The following NLGN4X variants were observed in gnomAD, a reference collection of about 807,000 sequenced individuals.
NLGN4X encodes the protein neuroligin-4, X-linked.
A neutral mutation model predicts 40.3 loss-of-function variants in NLGN4X; 3 were observed. That is an observed-to-expected ratio of 0.07 (90% CI 0.03 to 0.19). NLGN4X has a LOEUF of 0.19. Among genes scored for constraint, NLGN4X ranks in the 10% least tolerant of loss-of-function variants. The pLI is 1.00. For synonymous variants in NLGN4X, 270 were observed against 306.8 expected (o/e 0.88, Z 1.25); for missense variants, 382 against 708.3 (o/e 0.54, Z 5.23).
chrX:5,979,276 T>G (rs2035302522), intron 3 of NLGN4X, among the ~76,000 whole-genome samples: 1 of 111,789 alleles, frequency 8.9e-6, no homozygotes, highest in African/African-American at 3.3e-5. Context: ...TCATTTTTAC[T>G]GCTCAGAAGC....
intron 2 of NLGN4X, among the ~76,000 whole-genome samples, chrX:6,127,425 A>G (rs1467553853): frequency 8.9e-6 from 1 of 112,310 alleles, no homozygotes. Flanking sequence ...CCTGGCCAAC[A>G]TGGTGAAACC....
At chrX:6,196,280 G>A (rs1343989032) in intron 1 of NLGN4X, among the ~76,000 whole-genome samples, 1 of 111,278 alleles carries the variant, frequency 9.0e-6, no homozygotes, top group Admixed American at 9.5e-5. Flanking sequence ...AAAGTGTTTC[G>A]GTGGCTCACG....
intron 1 of NLGN4X, among the ~76,000 whole-genome samples, chrX:6,183,427 G>A (rs1222796110): frequency 9.0e-6 from 1 of 110,552 alleles, no homozygotes; most frequent in Admixed American, 9.6e-5. Context: ...GGCGCCTGTA[G>A]TCCCAGCCAC....
At chrX:5,940,644 C>T in intron 3 of NLGN4X, among the ~76,000 whole-genome samples, 1 of 107,406 alleles carries the variant, frequency 9.3e-6, no homozygotes, top group Non-Finnish European at 1.9e-5. Flanking sequence ...AAATGAGATC[C>T]ACATTCATAA....
chrX:5,927,922 A>G (rs770790905), intron 3 of NLGN4X, among the ~76,000 whole-genome samples: 1 of 112,613 alleles, frequency 8.9e-6, no homozygotes, highest in South Asian at 3.6e-4. Flanking sequence ...ACTTGAATTC[A>G]TATTTTTACC....
At chrX:6,083,012 C>T (rs1437644505) in intron 2 of NLGN4X, among the ~76,000 whole-genome samples, 1 of 84,473 alleles carries the variant, frequency 1.2e-5, no homozygotes, top group African/African-American at 4.7e-5. Context: ...GGCTGGAGTG[C>T]GGTGGCGCAA....
intron 4 of NLGN4X, among the ~76,000 whole-genome samples, chrX:5,906,995 G>A (rs1206755274): frequency 1.8e-5 from 2 of 109,742 alleles, no homozygotes; most frequent in African/African-American, 6.7e-5. Flanking sequence ...CAGGAGAATC[G>A]CTTTGAATCC....
intron 1 of NLGN4X, among the ~76,000 whole-genome samples, chrX:6,171,541 C>T (rs1217913972): frequency 8.9e-6 from 1 of 112,049 alleles, no homozygotes; most frequent in Non-Finnish European, 1.9e-5. Flanking sequence ...CATAATCACA[C>T]AGCTTTCCAA....
intron 3 of NLGN4X, among the ~76,000 whole-genome samples, chrX:5,934,037 C>T: frequency 9.0e-6 from 1 of 111,692 alleles, no homozygotes. Flanking sequence ...TGCCTCTTGA[C>T]CAAAATTCCC....
At chrX:5,940,951 CA>C (rs1243266726) in intron 3 of NLGN4X, among the ~76,000 whole-genome samples, 7 of 102,898 alleles carry the variant, frequency 6.8e-5, no homozygotes, top group Admixed American at 1.1e-4. Context: ...CTTGTCTCCA[CA>C]AAAAAAAAAG....
intron 3 of NLGN4X, among the ~76,000 whole-genome samples, chrX:5,982,054 C>A (rs1053659106): frequency 2.7e-5 from 3 of 111,954 alleles, no homozygotes; most frequent in Admixed American, 9.5e-5. Context: ...ATGTTTATTT[C>A]TAAAATGGCT....
chrX:6,194,202 G>A (rs1285523762), intron 1 of NLGN4X, among the ~76,000 whole-genome samples: 3 of 111,619 alleles, frequency 2.7e-5, no homozygotes, highest in Non-Finnish European at 5.6e-5. Context: ...TATATATTAG[G>A]TTGGTGCAAG....
intron 1 of NLGN4X, among the ~76,000 whole-genome samples, chrX:6,215,928 G>A (rs1208549721): frequency 1.9e-5 from 2 of 107,481 alleles, no homozygotes; most frequent in Non-Finnish European, 3.8e-5. Context: ...CCAGGCTGGA[G>A]TGCAGTGGCG....
At chrX:6,012,651 C>T (rs1461726885) in intron 3 of NLGN4X, among the ~76,000 whole-genome samples, 3 of 111,464 alleles carry the variant, frequency 2.7e-5, no homozygotes, top group African/African-American at 9.8e-5. Flanking sequence ...TAAGGATCTG[C>T]AGATAAAATT....
At chrX:6,115,969 G>C (rs1014954040) in intron 2 of NLGN4X, among the ~76,000 whole-genome samples, 1 of 110,540 alleles carries the variant, frequency 9.0e-6, no homozygotes, top group Non-Finnish European at 1.9e-5. Context: ...GTGCTCTCAC[G>C]GAGTTAGAGT....
intron 3 of NLGN4X, among the ~76,000 whole-genome samples, chrX:5,962,525 G>A (rs2034695328): frequency 8.9e-6 from 1 of 112,387 alleles, no homozygotes; most frequent in African/African-American, 3.2e-5. Context: ...AGTAAAATAT[G>A]TACACCAAAA....
intron 3 of NLGN4X, among the ~76,000 whole-genome samples, chrX:6,010,513 T>TTATTATTATTATTATTATTATTA (rs2036219317): frequency 2.1e-5 from 2 of 95,413 alleles, no homozygotes; most frequent in Non-Finnish European, 4.1e-5. Flanking sequence ...TTCTTTTTAT[T>TTATTATTATTATTATTATTATTA]TTATTATTAT....
chrX:5,896,858 G>T (rs1473830492), intron 5 of NLGN4X, among the ~76,000 whole-genome samples: 1 of 112,182 alleles, frequency 8.9e-6, no homozygotes, highest in East Asian at 2.8e-4. Flanking sequence ...CATTCATTCA[G>T]CTTAAAATTC....
intron 2 of NLGN4X, among the ~76,000 whole-genome samples, chrX:6,144,615 T>C (rs996285531): frequency 6.3e-5 from 7 of 111,401 alleles, no homozygotes; most frequent in Non-Finnish European, 1.1e-4. Context: ...CGTTCCTTTC[T>C]CCTGGCTCTC....
Sources: gnomAD v4.1 joint callset for allele counts (sites outside exome capture counted in the v4.1 genomes callset) on GRCh38, gnomAD v4.1.1 for gene constraint, MANE v1.5 for transcripts, NCBI Gene and HGNC (gene_info 2026-07-23, HGNC 2026-07-21) for gene names.